Variants in PTCD3 observed in about 807,000 individuals in gnomAD.
The protein encoded by PTCD3 is pentatricopeptide repeat domain 3.
A neutral mutation model predicts 101.9 loss-of-function variants in PTCD3; 89 were observed. The ratio of observed to expected loss-of-function variants is 0.87; its 90% CI spans 0.74 to 1.04. The LOEUF is 1.04. PTCD3 is among the 50% of genes least tolerant of loss of function. The probability of loss-of-function intolerance (pLI) is 0.00; values close to 1 mark genes in which losing one functional copy is unlikely to be tolerated. For missense variants in PTCD3, 870 were observed against 828.2 expected (o/e 1.05, Z -0.62); for synonymous variants, 296 against 278.5 (o/e 1.06, Z -0.63).
chr2:86,116,993 A>G, intron 5 of PTCD3, 62 bp from the exon 6 acceptor site: 1 of 730,408 alleles, frequency 1.4e-6, no homozygotes, highest in Non-Finnish European at 2.4e-6. Context: ...TCTTGCTGAG[A>G]GTGTAACTAT....
intron 18 of PTCD3, 37 bp downstream of exon 18, chr2:86,133,293 A>G (rs200814656): frequency 1.2e-6 from 2 of 1,613,774 alleles, no homozygotes; most frequent in South Asian, 1.1e-5. Context: ...ATCATTCTAG[A>G]TGAATTGGGT....
chr2:86,133,441 G>A lies in PTCD3; in HGVS notation c.1543+5G>A, dbSNP rs201112005. The A allele has an allele frequency of 1.9e-6, 3 of 1,605,358 alleles. No homozygotes were observed. Among genetic ancestry groups the A allele is most frequent in the Middle Eastern group, 1.7e-4 (1 of 6,042 alleles). On this transcript the variant is annotated splice_donor_5th_base_variant and intron_variant, in intron 19 of 23. Transcript: ENST00000254630. ...TGATTCCTAAAATTTGGAAAGGTCAGTTTTACTTTTTATGTGTCCAGGTGC... is the reference window on the plus strand; with the variant it reads ...TGATTCCTAAAATTTGGAAAGGTCAATTTTACTTTTTATGTGTCCAGGTGC...
At chr2:86,126,581 A>AT (rs1164725030) in intron 12 of PTCD3, among the ~76,000 whole-genome samples, 1 of 152,196 alleles carries the variant, frequency 6.6e-6, no homozygotes, top group Admixed American at 6.5e-5. Flanking sequence ...TCATGCCTAT[A>AT]ATCCCAGCAC....
intron 21 of PTCD3, chr2:86,135,775 C>T (rs556682504): frequency 1.5e-5 from 6 of 392,806 alleles, no homozygotes; most frequent in African/African-American, 6.3e-5. Context: ...GTGGCTCACA[C>T]GTGTCTCTCT....
At chr2:86,129,610 C>G (rs190626974) in intron 14 of PTCD3, among the ~76,000 whole-genome samples, 1 of 152,188 alleles carries the variant, frequency 6.6e-6, no homozygotes, top group African/African-American at 2.4e-5. Flanking sequence ...CCACTGCACT[C>G]CAGCCTAGGT....
rs1460758148 is a variant in PTCD3 at position 86,137,694 on chromosome 2, A to G, written c.*135A>G. On this transcript the variant is annotated 3_prime_UTR_variant, in exon 24 of 24. Coordinates refer to ENST00000254630, the MANE Select transcript of PTCD3 (RefSeq NM_017952.6). The stretch of plus-strand genomic sequence containing the variant: ...TTTGGTGAATTTGTTACTGTGAGGT[A>G]CAGTCAGTACACAGCTGACTTATGT... 2.3e-6 allele frequency: 3 copies of G among 1,290,688 alleles called. No homozygotes were observed. The highest frequency in any genetic ancestry group is 1.5e-5 in the African/African-American group (1 of 67,952). 80.0% of individuals were successfully genotyped at this position (1,290,688 alleles called of 1,614,324 possible). A position where few individuals can be genotyped will look rare whatever the true frequency, so the allele number is the denominator to read the frequency against.
In PTCD3 at chr2:86,137,785, G is replaced by C. The variant is rs1034100586; in HGVS notation, c.*226G>C. 4 of 505,936 alleles carry C rather than the reference G, an allele frequency of 7.9e-6. No individual in the cohort carries two copies. Among genetic ancestry groups the C allele is most frequent in the Non-Finnish European group, 1.4e-5 (4 of 291,542 alleles). The allele number at this position is 505,936 out of a possible 1,614,324, so 31.3% of individuals were successfully genotyped here. The stretch of plus-strand genomic sequence containing the variant: ...GCACCATTAAAGGCTTAGCATTTAA[G>C]TAGCAACATTGCGGTTTTCAGACAC... On this transcript the variant is annotated 3_prime_UTR_variant, in exon 24 of 24. Transcript: ENST00000254630.
At position 86,106,272 on chromosome 2, in the gene PTCD3, T is replaced by C. The variant is rs980243567; in HGVS notation, c.25T>C (p.Trp9Arg). MAVVSAVRWLGLRSRLGQP... is the reference protein window; with the variant it reads MAVVSAVRRLGLRSRLGQP... ...GATGGCGGTTGTATCTGCTGTTCGCTGGCTGGGCCTCCGCAGCAGGCTTGG... is the reference window on the plus strand; with the variant it reads ...GATGGCGGTTGTATCTGCTGTTCGCCGGCTGGGCCTCCGCAGCAGGCTTGG... The change falls in exon 1 of 24, where the codon TGG (tryptophan) becomes CGG (arginine). Residue 9 changes from tryptophan to arginine, a missense_variant. Trp to Arg is a moderately radical substitution (Grantham distance 101). Coordinates refer to ENST00000254630, the MANE Select transcript of PTCD3 (RefSeq NM_017952.6). The C allele has an allele frequency of 1.2e-6, 2 of 1,613,824 alleles. No individual in the cohort carries two copies. Among genetic ancestry groups the C allele is most frequent in the South Asian group, 2.2e-5 (2 of 91,062 alleles).
At chr2:86,118,899 T>C in intron 6 of PTCD3, 22 bp from the exon 7 acceptor site, 1 of 1,607,314 alleles carries the variant, frequency 6.2e-7, no homozygotes, top group Non-Finnish European at 8.5e-7. Flanking sequence ...TTGTAGTAAC[T>C]TTAGTCATCT....
chr2:86,126,253 AC>A (rs1674388106), intron 12 of PTCD3, among the ~76,000 whole-genome samples: 1 of 150,654 alleles, frequency 6.6e-6, no homozygotes. Context: ...AGAAAAAGAA[AC>A]AGAAGTACAT....
Position 86,116,662 on chromosome 2 carries a change from A to G in PTCD3, c.309+64A>G, listed in dbSNP as rs577978609. ...CTGGTTTGCGTACAACAGTACATAA[A>G]TAATTTAGTTGTAATAACCTGGGAA... On this transcript the variant is annotated intron_variant, in intron 5 of 23. Transcript: ENST00000254630. The G allele has an allele frequency of 5.7e-6, 7 of 1,234,180 alleles. No homozygotes were observed. The Admixed American group carries it at 1.0e-4, about 18-fold the overall frequency. The allele number at this position is 1,234,180 out of a possible 1,614,324, so 76.5% of individuals were successfully genotyped here. A position where few individuals can be genotyped will look rare whatever the true frequency, so the allele number is the denominator to read the frequency against.
intron 4 of PTCD3, among the ~76,000 whole-genome samples, chr2:86,114,786 T>C (rs893790113): frequency 8.5e-5 from 13 of 152,168 alleles, no homozygotes; most frequent in African/African-American, 2.2e-4. Flanking sequence ...CTAAGAGTTA[T>C]GACAGCAAGA....
intron 6 of PTCD3, among the ~76,000 whole-genome samples, chr2:86,117,695 C>G (rs1018600847): frequency 3.3e-5 from 5 of 152,066 alleles, no homozygotes; most frequent in African/African-American, 1.2e-4. Flanking sequence ...TTTCTGGGCT[C>G]AAGCAAACAC....
chr2:86,106,269 C>A lies in PTCD3; in HGVS notation c.22C>A (p.Arg8Ser), dbSNP rs367702182. The A allele has an allele frequency of 7.4e-6, 12 of 1,613,896 alleles. No homozygotes were observed. The highest frequency in any genetic ancestry group is 2.7e-5 in the African/African-American group (2 of 74,936). ...AAAGATGGCGGTTGTATCTGCTGTT[C>A]GCTGGCTGGGCCTCCGCAGCAGGCT... MAVVSAVRWLGLRSRLGQ... is the reference protein window; with the variant it reads MAVVSAVSWLGLRSRLGQ... Residue 8 changes from arginine to serine, a missense_variant, in exon 1 of 24, where the codon CGC (arginine) becomes AGC (serine). Transcript: ENST00000254630.
At chr2:86,106,662 A>G (rs1413687075) in intron 1 of PTCD3, among the ~76,000 whole-genome samples, 1 of 152,152 alleles carries the variant, frequency 6.6e-6, no homozygotes, top group Non-Finnish European at 1.5e-5. Context: ...ACCCCAAATT[A>G]AAAATTATCC....
chr2:86,124,537 A>C (rs778724350), intron 9 of PTCD3, among the ~76,000 whole-genome samples: 1 of 152,216 alleles, frequency 6.6e-6, no homozygotes, highest in Non-Finnish European at 1.5e-5. Flanking sequence ...AGGCAGGAGA[A>C]TCACTTAAAC....
At chr2:86,124,859 T>A in intron 9 of PTCD3, 136 bp from the exon 10 acceptor site, 1 of 1,262,308 alleles carries the variant, frequency 7.9e-7, no homozygotes, top group Non-Finnish European at 1.1e-6. Flanking sequence ...ATAACCATAA[T>A]ACCCTGTAAG....
At chr2:86,132,926 C>G (rs1360143213) in intron 17 of PTCD3, 2 of 478,938 alleles carry the variant, frequency 4.2e-6, no homozygotes, top group African/African-American at 4.0e-5. Flanking sequence ...ATTTGAAATT[C>G]AGTATCTATT....
At chr2:86,125,944 G>C in intron 12 of PTCD3, 64 bp downstream of exon 12, 1 of 1,215,178 alleles carries the variant, frequency 8.2e-7, no homozygotes. Context: ...GAAATACATG[G>C]GCTGGCCAGG....
Sources: allele counts gnomAD v4.1 joint callset (sites outside exome capture counted in the v4.1 genomes callset), GRCh38; gene constraint gnomAD v4.1.1; transcripts MANE v1.5; gene names NCBI Gene and HGNC (gene_info 2026-07-23, HGNC 2026-07-21).